Variants in IGF1 observed in about 807,000 individuals in gnomAD.
IGF1 encodes the protein insulin-like growth factor 1.
In IGF1, 4 loss-of-function variants were observed where a neutral mutation model predicts 13.8. That is an observed-to-expected ratio of 0.29 (90% confidence interval 0.14 to 0.66). The LOEUF (loss-of-function observed/expected upper bound fraction) is 0.66, where lower values mean the gene tolerates loss of function less well. Among genes scored for constraint, IGF1 ranks in the 30% least tolerant of loss-of-function variants. IGF1 has a pLI of 0.78. For synonymous variants in IGF1, 76 were observed against 72.6 expected (o/e 1.05, Z -0.23); for missense variants, 124 against 188.5 (o/e 0.66, Z 2.00).
intron 2 of IGF1, among the ~76,000 whole-genome samples, chr12:102,426,174 A>G (rs1876185221): frequency 6.6e-6 from 1 of 152,198 alleles, no homozygotes; most frequent in South Asian, 2.1e-4. Flanking sequence ...TAAAAGCACA[A>G]GTTTTGGAAC....
At chr12:102,445,805 TG>T (rs1878267355) in intron 2 of IGF1, among the ~76,000 whole-genome samples, 1 of 152,234 alleles carries the variant, frequency 6.6e-6, no homozygotes, top group East Asian at 1.9e-4. Context: ...ATTCTTGTCC[TG>T]TGCTGGTTTT....
At position 102,448,708 on chromosome 12, in the gene IGF1, A is replaced by T. The variant is rs1020312734; in HGVS notation, c.220+26935T>A. 5.9e-5 allele frequency among the ~76,000 whole-genome samples: 9 copies of T among 151,582 alleles called. No homozygotes were observed. The South Asian group carries it at 6.3e-4, about 11-fold the overall frequency. The stretch of plus-strand genomic sequence containing the variant: ...GTATAATAAAAAAAAAAAAAAAAAA[A>T]AAAAAAAATCTCATCAGAAAGTGGG... On this transcript the variant is annotated intron_variant, in intron 2 of 3. Coordinates refer to ENST00000337514, the MANE Select transcript of IGF1 (RefSeq NM_000618.5).
intron 2 of IGF1, among the ~76,000 whole-genome samples, chr12:102,474,503 A>T (rs1880890684): frequency 6.6e-6 from 1 of 152,180 alleles, no homozygotes; most frequent in Non-Finnish European, 1.5e-5. Flanking sequence ...TGGTATACAC[A>T]GGCCACCCTC....
intron 2 of IGF1, among the ~76,000 whole-genome samples, chr12:102,439,594 C>T (rs140686082): frequency 0.016 from 2,506 of 151,938 alleles, 33 homozygotes; most frequent in Non-Finnish European, 0.023. Flanking sequence ...AAACGAAAGC[C>T]TAGAGAGTAA....
At chr12:102,450,362 C>T (rs1213074060) in intron 2 of IGF1, among the ~76,000 whole-genome samples, 1 of 152,204 alleles carries the variant, frequency 6.6e-6, no homozygotes, top group South Asian at 2.1e-4. Context: ...ATTGTATTTG[C>T]CTTTTGGCGC....
At chr12:102,446,484 C>T (rs1318044008) in intron 2 of IGF1, among the ~76,000 whole-genome samples, 1 of 152,130 alleles carries the variant, frequency 6.6e-6, no homozygotes, top group Non-Finnish European at 1.5e-5. Context: ...TTATCCATTT[C>T]TTCTAGATTT....
chr12:102,439,718 GAA>G (rs5800511), intron 2 of IGF1, among the ~76,000 whole-genome samples: 4 of 138,566 alleles, frequency 2.9e-5, no homozygotes, highest in Non-Finnish European at 6.2e-5. Flanking sequence ...CTAGGAGAAG[GAA>G]AAAAAAAAAA....
At position 102,399,760 on chromosome 12, in the gene IGF1, G is replaced by C. The variant is rs1354838349; in HGVS notation, c.*2747C>G. 1 of 152,158 alleles carries C rather than the reference G, an allele frequency of 6.6e-6. No individual in the cohort carries two copies. Among genetic ancestry groups the C allele is most frequent in the Non-Finnish European group, 1.5e-5 (1 of 68,020 alleles). 9.4% of individuals were successfully genotyped at this position (152,158 alleles called of 1,614,324 possible). Reference sequence around the variant, plus strand: ...AGGAAATAAGTCATAGACACTCTTAGAATTATCACATCTAACTATGACAGA... The same window carrying C: ...AGGAAATAAGTCATAGACACTCTTACAATTATCACATCTAACTATGACAGA... On this transcript the variant is annotated 3_prime_UTR_variant, in exon 4 of 4. Coordinates refer to ENST00000337514, the MANE Select transcript of IGF1 (RefSeq NM_000618.5).
At chr12:102,428,236 G>GTATATATATATATATATATA (rs56947594) in intron 2 of IGF1, among the ~76,000 whole-genome samples, 3,340 of 69,374 alleles carry the variant, frequency 0.048, 511 homozygotes, top group African/African-American at 0.13. Context: ...TCAATAATGT[G>GTATATATATATATATATATA]TATATATATA....
intron 2 of IGF1, among the ~76,000 whole-genome samples, chr12:102,428,578 A>G (rs1156894272): frequency 6.6e-6 from 1 of 152,160 alleles, no homozygotes; most frequent in Non-Finnish European, 1.5e-5. Context: ...CTAAGGAAAG[A>G]GAGATGGCCC....
Position 102,397,017 on chromosome 12 carries a change from A to G in IGF1, c.*5490T>C, listed in dbSNP as rs866602329. ...GGAGTTTGAGACCAACCTGGCCAAC[A>G]TGGTAAAACCCCGTCTCTATTAAAA... On this transcript the variant is annotated 3_prime_UTR_variant, in exon 4 of 4. Transcript: ENST00000337514. The G allele has an allele frequency of 5.1e-6, 2 of 390,386 alleles. No individual in the cohort carries two copies. The highest frequency in any genetic ancestry group is 3.6e-5 in the East Asian group (1 of 27,606). The allele number at this position is 390,386 out of a possible 1,614,324, so 24.2% of individuals were successfully genotyped here.
rs530300044 is a variant in IGF1, at chr12:102,402,469, C to T, written c.*38G>A. 76 of 780,586 alleles carry T rather than the reference C, an allele frequency of 9.7e-5. No homozygotes were observed. The highest frequency in any genetic ancestry group is 6.0e-4 in the South Asian group (45 of 74,610). 48.4% of individuals were successfully genotyped at this position (780,586 alleles called of 1,614,324 possible). A position where few individuals can be genotyped will look rare whatever the true frequency, so the allele number is the denominator to read the frequency against. ...AACTCGTGCAGAGCAAAGGATCCTG[C>T]GGTGGCATGTCACTCTTCACTCCTC... On this transcript the variant is annotated 3_prime_UTR_variant, in exon 4 of 4. Transcript: ENST00000337514.
intron 3 of IGF1, among the ~76,000 whole-genome samples, chr12:102,408,304 T>C (rs936754933): frequency 3.9e-5 from 6 of 152,160 alleles, no homozygotes; most frequent in Admixed American, 3.3e-4. Flanking sequence ...GATGTCTCAG[T>C]ATCAACTTTG....
intron 3 of IGF1, among the ~76,000 whole-genome samples, chr12:102,406,325 C>T (rs562815702): frequency 1.3e-5 from 2 of 152,298 alleles, no homozygotes; most frequent in African/African-American, 4.8e-5. Context: ...TAGAAGCAGC[C>T]GTCATCAGAG....
At chr12:102,475,515 C>G (rs1239107306) in intron 2 of IGF1, 128 bp downstream of exon 2, 1 of 1,080,076 alleles carries the variant, frequency 9.3e-7, no homozygotes, top group African/African-American at 1.6e-5. Context: ...GGTGAGGAAT[C>G]TCAGAGGCCT....
intron 2 of IGF1, among the ~76,000 whole-genome samples, chr12:102,435,342 G>A (rs1877135147): frequency 1.3e-5 from 2 of 152,212 alleles, no homozygotes; most frequent in South Asian, 4.1e-4. Flanking sequence ...CAAAGACTCA[G>A]TGAATGGCCA....
At chr12:102,418,140 C>A in intron 3 of IGF1, 2 of 810,336 alleles carry the variant, frequency 2.5e-6, no homozygotes, top group Non-Finnish European at 3.7e-6. Flanking sequence ...ACCTCAGTCA[C>A]AAGACCCACC....
Position 102,480,560 on chromosome 12 carries a change from GAA to G in IGF1, c.-181_-180del, listed in dbSNP as rs2137304700. 1 of 1,459,506 alleles carries G rather than the reference GAA, an allele frequency of 6.9e-7. No homozygotes were observed. The highest frequency in any genetic ancestry group is 2.6e-5 in the East Asian group (1 of 39,062). The allele number at this position is 1,459,506 out of a possible 1,614,324, so 90.4% of individuals were successfully genotyped here. A position where few individuals can be genotyped will look rare whatever the true frequency, so the allele number is the denominator to read the frequency against. On this transcript the variant is annotated 5_prime_UTR_variant, in exon 1 of 4. Transcript: ENST00000337514. ...CAGTGACAGTGAGATTTAGCAAACAGAAGAGGGATTTAGAGAAAATCCTCACA... is the reference window on the plus strand; with the variant it reads ...CAGTGACAGTGAGATTTAGCAAACAGGAGGGATTTAGAGAAAATCCTCACA...
intron 2 of IGF1, among the ~76,000 whole-genome samples, chr12:102,439,443 A>G (rs1877518899): frequency 6.6e-6 from 1 of 152,224 alleles, no homozygotes; most frequent in African/African-American, 2.4e-5. Context: ...GTCATTAAAA[A>G]CAGAAAGATG....
Sources: gnomAD v4.1 joint callset for allele counts (sites outside exome capture counted in the v4.1 genomes callset) on GRCh38, gnomAD v4.1.1 for gene constraint, MANE v1.5 for transcripts, NCBI Gene and HGNC (gene_info 2026-07-23, HGNC 2026-07-21) for gene names.